Variants in ATXN7L1 observed in about 807,000 individuals in gnomAD.
ATXN7L1 encodes the protein ataxin 7 like 1.
A neutral mutation model predicts 70.8 loss-of-function variants in ATXN7L1; 15 were observed. That is an observed-to-expected ratio of 0.21 (90% confidence interval 0.14 to 0.33). ATXN7L1 has a LOEUF of 0.33. ATXN7L1 is among the 10% of genes least tolerant of loss of function. ATXN7L1 has a pLI of 1.00. For synonymous variants in ATXN7L1, 440 were observed against 445.1 expected (o/e 0.99, Z 0.14); for missense variants, 975 against 1,097.1 (o/e 0.89, Z 1.57).
chr7:105,664,509 A>T lies in ATXN7L1; in HGVS notation c.578+557T>A, dbSNP rs1802236489. 2.8e-5 allele frequency among the ~76,000 whole-genome samples: 4 copies of T among 143,922 alleles called. 1 individual carries two copies. Among genetic ancestry groups the T allele is most frequent in the South Asian group, 4.3e-4 (2 of 4,598 alleles). The allele number at this position is 143,922 out of a possible 152,430, so 94.4% of individuals were successfully genotyped here. Reference sequence around the variant, plus strand: ...ATACATATATGTATAATATATGTATAATATATATATACATATGTATAATAT... The same window carrying T: ...ATACATATATGTATAATATATGTATTATATATATATACATATGTATAATAT... On this transcript the variant is annotated intron_variant, in intron 4 of 11. Coordinates refer to ENST00000419735, the MANE Select transcript of ATXN7L1 (RefSeq NM_020725.2).
At chr7:105,862,932 T>C (rs1441103728) in intron 2 of ATXN7L1, among the ~76,000 whole-genome samples, 2 of 152,114 alleles carry the variant, frequency 1.3e-5, no homozygotes, top group Non-Finnish European at 2.9e-5. Context: ...TCAGAGACAG[T>C]GACAACTAGG....
chr7:105,838,591 A>T (rs1042791324), intron 2 of ATXN7L1, among the ~76,000 whole-genome samples: 1 of 152,138 alleles, frequency 6.6e-6, no homozygotes, highest in Non-Finnish European at 1.5e-5. Flanking sequence ...GGGCTGAGAG[A>T]CTGGGTAATA....
chr7:105,642,507 C>T (rs1798421013), intron 5 of ATXN7L1, among the ~76,000 whole-genome samples: 1 of 152,200 alleles, frequency 6.6e-6, no homozygotes, highest in African/African-American at 2.4e-5. Flanking sequence ...GCTAGTTCAA[C>T]CTGTTTGTAT....
intron 7 of ATXN7L1, among the ~76,000 whole-genome samples, chr7:105,624,817 G>A (rs918760898): frequency 6.6e-6 from 1 of 152,166 alleles, no homozygotes; most frequent in African/African-American, 2.4e-5. Flanking sequence ...TGTCCCTGGC[G>A]CAGATGACAG....
At chr7:105,629,530 T>C (rs1796264267) in intron 7 of ATXN7L1, among the ~76,000 whole-genome samples, 1 of 150,012 alleles carries the variant, frequency 6.7e-6, no homozygotes, top group Non-Finnish European at 1.5e-5. Flanking sequence ...TTATTTTTTT[T>C]TTGGAGATGG....
intron 3 of ATXN7L1, among the ~76,000 whole-genome samples, chr7:105,729,318 A>AATAAATAC (rs1796260724): frequency 6.6e-6 from 1 of 151,920 alleles, no homozygotes; most frequent in African/African-American, 2.4e-5. Flanking sequence ...TAAATAAATA[A>AATAAATAC]ATAAATAAAT....
chr7:105,859,626 A>T (rs1284547920), intron 2 of ATXN7L1, among the ~76,000 whole-genome samples: 1 of 152,178 alleles, frequency 6.6e-6, no homozygotes, highest in Non-Finnish European at 1.5e-5. Flanking sequence ...GCCTAGGAGC[A>T]ATAGGTTATA....
chr7:105,712,819 G>A (rs1225621651), intron 3 of ATXN7L1, among the ~76,000 whole-genome samples: 4 of 152,160 alleles, frequency 2.6e-5, no homozygotes, highest in Non-Finnish European at 5.9e-5. Context: ...CCTCCAAACT[G>A]TTCCAACCTC....
intron 3 of ATXN7L1, among the ~76,000 whole-genome samples, chr7:105,688,074 A>C (rs1002679313): frequency 6.6e-6 from 1 of 152,188 alleles, no homozygotes; most frequent in Admixed American, 6.5e-5. Context: ...GGAATGCTGA[A>C]CAACTGATTT....
chr7:105,696,430 C>G (rs1791711781), intron 3 of ATXN7L1, among the ~76,000 whole-genome samples: 2 of 152,154 alleles, frequency 1.3e-5, no homozygotes, highest in Admixed American at 1.3e-4. Context: ...AGAATATTTC[C>G]ACGTAACATG....
intron 3 of ATXN7L1, among the ~76,000 whole-genome samples, chr7:105,742,195 G>A (rs1798087854): frequency 6.6e-6 from 1 of 152,210 alleles, no homozygotes. Flanking sequence ...TGTCCTACAG[G>A]TGACTCTTAA....
chr7:105,806,646 G>T (rs1226985282), intron 2 of ATXN7L1, among the ~76,000 whole-genome samples: 3 of 152,136 alleles, frequency 2.0e-5, no homozygotes, highest in Admixed American at 1.3e-4. Flanking sequence ...TGACAACAGG[G>T]TTAAGGCTAG....
In ATXN7L1 at chr7:105,692,426, C is replaced by CTTCCT. The variant is rs371411874; in HGVS notation, c.356-27139_356-27138insAGGAA. ...CCTTCCTTCCTTCCTTCCTTCCTTC[C>CTTCCT]TCCCTCCCTCCCTCCCTCCCTTCCT... On this transcript the variant is annotated intron_variant, in intron 3 of 11. Transcript: ENST00000419735. Among the ~76,000 whole-genome samples, 33 of 99,394 alleles carry CTTCCT rather than the reference C, an allele frequency of 3.3e-4. 1 individual carries two copies. The highest frequency in any genetic ancestry group is 1.1e-3 in the Admixed American group (10 of 8,996). The allele number at this position is 99,394 out of a possible 152,430, so 65.2% of individuals were successfully genotyped here. A position where few individuals can be genotyped will look rare whatever the true frequency, so the allele number is the denominator to read the frequency against.
intron 9 of ATXN7L1, chr7:105,617,773 T>C (rs1434166804): frequency 1.1e-5 from 4 of 360,452 alleles, no homozygotes; most frequent in African/African-American, 8.5e-5. Flanking sequence ...CCAGGTGGCA[T>C]GGAGGTCCAG....
intron 3 of ATXN7L1, among the ~76,000 whole-genome samples, chr7:105,681,825 G>T (rs1805595675): frequency 6.6e-6 from 1 of 152,178 alleles, no homozygotes; most frequent in Admixed American, 6.5e-5. Flanking sequence ...AGGTGCTCGA[G>T]ATAGTCAAAT....
At chr7:105,869,576 T>G (rs952256485) in intron 2 of ATXN7L1, among the ~76,000 whole-genome samples, 4 of 152,228 alleles carry the variant, frequency 2.6e-5, no homozygotes, top group Non-Finnish European at 5.9e-5. Flanking sequence ...CTATGTTCTC[T>G]GCACCCTCCT....
intron 2 of ATXN7L1, among the ~76,000 whole-genome samples, chr7:105,843,066 G>A (rs776907690): frequency 3.3e-5 from 5 of 152,146 alleles, no homozygotes; most frequent in African/African-American, 7.2e-5. Flanking sequence ...AAATGAAGGC[G>A]TGAGCTTGGT....
At position 105,614,932 on chromosome 7, in the gene ATXN7L1, T is replaced by C. The variant is rs1297864023; in HGVS notation, c.1518-116A>G. ...AGAGGACACCCCGGCAGAACCAGAC[T>C]ATGGAGAATGGAGCCTTGAAGGATG... is the stretch of plus-strand genomic sequence containing the variant. On this transcript the variant is annotated intron_variant, in intron 9 of 11. Coordinates refer to ENST00000419735, the MANE Select transcript of ATXN7L1 (RefSeq NM_020725.2). The surrounding 1 kb of genome is among the most constrained non-coding windows in gnomAD (Gnocchi z 4.3). 6.5e-6 allele frequency: 8 copies of C among 1,236,004 alleles called. No homozygotes were observed. The highest frequency in any genetic ancestry group is 6.6e-6 in the Non-Finnish European group (6 of 908,736). 76.6% of individuals were successfully genotyped at this position (1,236,004 alleles called of 1,614,324 possible).
chr7:105,611,852 A>G (rs1044719303), intron 10 of ATXN7L1, among the ~76,000 whole-genome samples: 1 of 152,232 alleles, frequency 6.6e-6, no homozygotes, highest in African/African-American at 2.4e-5. Flanking sequence ...CACAGATCCC[A>G]AGGGCCTTTG....
Sources: allele counts gnomAD v4.1 joint callset (sites outside exome capture counted in the v4.1 genomes callset), GRCh38; gene constraint gnomAD v4.1.1; non-coding constraint Gnocchi (gnomAD v3.1); transcripts MANE v1.5; gene names NCBI Gene and HGNC (gene_info 2026-07-23, HGNC 2026-07-21).